RNF10: variants seen among roughly 807,000 people sequenced by gnomAD.
The protein encoded by RNF10 is E3 ubiquitin-protein ligase RNF10.
In RNF10, 38 loss-of-function variants were observed where a neutral mutation model predicts 91.4. That is an observed-to-expected ratio of 0.42 (90% confidence interval 0.32 to 0.54). The LOEUF is 0.54. Ranked by LOEUF, RNF10 falls within the 20% of genes least tolerant of loss-of-function variation. The pLI, the probability that RNF10 is intolerant of heterozygous loss-of-function variation, is 0.16. For missense variants in RNF10, 945 were observed against 1,012.0 expected, an observed-to-expected ratio of 0.93 and a Z score of 0.90; for synonymous variants, 364 against 366.3, an observed-to-expected ratio of 0.99 and a Z score of 0.07.
intron 3 of RNF10, among the ~76,000 whole-genome samples, chr12:120,553,175 C>A (rs562972801): frequency 9.0e-5 from 13 of 143,858 alleles, no homozygotes; most frequent in African/African-American, 3.3e-4. Flanking sequence ...CCTCTGCCTC[C>A]CGGGTTTAAG....
chr12:120,571,821 G>C (rs1352172932), intron 14 of RNF10, among the ~76,000 whole-genome samples: 1 of 152,134 alleles, frequency 6.6e-6, no homozygotes, highest in Non-Finnish European at 1.5e-5. Context: ...CTTTGAGAGG[G>C]GAAGATTGTC....
In RNF10 at chr12:120,558,579, T is replaced by TA. The variant is rs1325836473; in HGVS notation, c.967+897_967+898insA. Among the ~76,000 whole-genome samples the TA allele has an allele frequency of 2.1e-3, 271 of 126,600 alleles. 2 individuals are homozygous for TA. The highest frequency in any genetic ancestry group is 4.2e-3 in the Admixed American group (53 of 12,750). The allele number at this position is 126,600 out of a possible 152,430, so 83.1% of individuals were successfully genotyped here. A position where few individuals can be genotyped will look rare whatever the true frequency, so the allele number is the denominator to read the frequency against. ...TATAATATAATATGTATATATATAT[T>TA]TTTTTTTGAGACAGAGTCTGGCTCT... On this transcript the variant is annotated intron_variant, in intron 6 of 16. Coordinates refer to ENST00000325954, the MANE Select transcript of RNF10 (RefSeq NM_014868.5).
In RNF10 at chr12:120,577,235, A is replaced by ATC. The variant is rs1387757091; in HGVS notation, c.*569_*570insTC. The stretch of plus-strand genomic sequence containing the variant: ...GGCTGTGGTGCCAGCTTAATGGAGT[A>ATC]GGCTGTCCTTGGCACTTGCATGTGT... On this transcript the variant is annotated 3_prime_UTR_variant, in exon 17 of 17. Transcript: ENST00000325954. The ATC allele has an allele frequency of 2.2e-6, 1 of 446,504 alleles. No homozygotes were observed. The highest frequency in any genetic ancestry group is 2.5e-5 in the Admixed American group (1 of 40,072). The allele number at this position is 446,504 out of a possible 1,614,324, so 27.7% of individuals were successfully genotyped here.
chr12:120,557,774 G>T (rs1874257342), intron 6 of RNF10, 92 bp downstream of exon 6: 2 of 1,407,224 alleles, frequency 1.4e-6, no homozygotes, highest in Non-Finnish European at 2.0e-6. Flanking sequence ...AAGCCTTTGG[G>T]CAGGGCACAT....
At position 120,547,762 on chromosome 12, in the gene RNF10, T is replaced by C. The variant is rs113281996; in HGVS notation, c.354+1161T>C. On this transcript the variant is annotated intron_variant, in intron 2 of 16. Coordinates refer to ENST00000325954, the MANE Select transcript of RNF10 (RefSeq NM_014868.5). ...AGACTAGGAAAGGGATCAGATCATG[T>C]GGGGCTTTGAAGGACTTTGGCTTTT... is the stretch of plus-strand genomic sequence containing the variant. Among the ~76,000 whole-genome samples the C allele has an allele frequency of 8.0e-3, 1,223 of 152,294 alleles. 19 individuals carry two copies. The highest frequency in any genetic ancestry group is 0.022 in the South Asian group (105 of 4,828).
intron 1 of RNF10, among the ~76,000 whole-genome samples, chr12:120,538,812 G>T (rs965093542): frequency 6.6e-6 from 1 of 152,162 alleles, no homozygotes; most frequent in African/African-American, 2.4e-5. Flanking sequence ...GTGGTATGAA[G>T]CACTGCCCTG....
intron 1 of RNF10, among the ~76,000 whole-genome samples, chr12:120,537,378 G>C (rs1445418213): frequency 1.3e-5 from 2 of 152,166 alleles, no homozygotes; most frequent in African/African-American, 2.4e-5. Flanking sequence ...TGTAATCCCA[G>C]CACTTTGGGA....
intron 11 of RNF10, 81 bp from the exon 12 acceptor site, chr12:120,565,347 T>G (rs985502405): frequency 7.4e-7 from 1 of 1,348,088 alleles, no homozygotes; most frequent in African/African-American, 1.4e-5. Context: ...CCTACTGTTG[T>G]GGGTTTAGCT....
Position 120,565,523 on chromosome 12 carries a change from G to A in RNF10, c.1879G>A (p.Gly627Ser). 1.2e-6 allele frequency: 2 copies of A among 1,613,728 alleles called. No individual in the cohort carries two copies. The highest frequency in any genetic ancestry group is 1.7e-6 in the Non-Finnish European group (2 of 1,179,862). ...TGAGATAGAGGAGAACAAGAAACAG[G>A]GCAAGTGTAAGTTCAGGAACTTTCA... ...RIEIEENKKQ[G>S]KYPEVHIPLE... The change falls in exon 12 of 17, where the codon GGC (glycine) becomes AGC (serine). Residue 627 changes from glycine (G) to serine (S), a missense_variant. Transcript: ENST00000325954.
rs145779566 is a variant in RNF10, at chr12:120,552,654, G to A, written c.510G>A (p.Lys170=). 16 of 1,614,130 alleles carry A rather than the reference G, an allele frequency of 9.9e-6. No homozygotes were observed. Among genetic ancestry groups the A allele is most frequent in the Non-Finnish European group, 1.0e-5 (12 of 1,180,018 alleles). ...SGHGSWGKRN[K]WGHKPFNKEL... ...ATGGTAGCTGGGGAAAGAGGAACAAGTGGGGACATAAGCCTTTTAACAAGG... is the reference window on the plus strand; with the variant it reads ...ATGGTAGCTGGGGAAAGAGGAACAAATGGGGACATAAGCCTTTTAACAAGG... The change falls in exon 3 of 17, where the codon AAG becomes AAA. Residue 170 remains lysine (K), a synonymous_variant. Transcript: ENST00000325954.
chr12:120,575,726 C>T, intron 15 of RNF10, 38 bp downstream of exon 15: 1 of 1,614,056 alleles, frequency 6.2e-7, no homozygotes, highest in Non-Finnish European at 8.5e-7. Context: ...AGTTTGGCTT[C>T]TTTCCATAAA....
chr12:120,575,346 A>C, intron 14 of RNF10: 1 of 345,300 alleles, frequency 2.9e-6, no homozygotes, highest in Non-Finnish European at 5.3e-6. Flanking sequence ...TCCCAATTTG[A>C]GGGTCTCAGT....
intron 1 of RNF10, among the ~76,000 whole-genome samples, chr12:120,537,480 T>A (rs1404302947): frequency 6.7e-6 from 1 of 149,716 alleles, no homozygotes; most frequent in South Asian, 2.1e-4. Flanking sequence ...TACAAAAAAT[T>A]AGTCCGGCGT....
chr12:120,567,795 GAATA>G (rs1324968683), intron 13 of RNF10, among the ~76,000 whole-genome samples: 3 of 150,742 alleles, frequency 2.0e-5, no homozygotes, highest in African/African-American at 4.9e-5. Flanking sequence ...TGTAGAACAA[GAATA>G]AATGTTCGTG....
intron 1 of RNF10, chr12:120,535,678 C>T (rs895685513): frequency 2.6e-5 from 4 of 152,112 alleles, no homozygotes; most frequent in African/African-American, 7.3e-5. Flanking sequence ...GCCAAATACA[C>T]ATAATGTCTA....
intron 13 of RNF10, 80 bp downstream of exon 13, chr12:120,567,060 C>A: frequency 7.1e-7 from 1 of 1,401,970 alleles, no homozygotes; most frequent in Non-Finnish European, 9.8e-7. Flanking sequence ...ACAACCCCGG[C>A]CCACTCAGCA....
chr12:120,559,917 G>A (rs565716544), intron 6 of RNF10, among the ~76,000 whole-genome samples: 14 of 150,538 alleles, frequency 9.3e-5, no homozygotes, highest in African/African-American at 2.2e-4. Context: ...GGCTGGTTTC[G>A]AACTCCTAAC....
intron 7 of RNF10, among the ~76,000 whole-genome samples, chr12:120,561,786 T>C (rs949917638): frequency 1.3e-5 from 2 of 152,192 alleles, no homozygotes; most frequent in African/African-American, 4.8e-5. Context: ...TTTCTTTCTA[T>C]AATACGTTGC....
rs553007638 is a variant in RNF10, at chr12:120,542,456, G to C, written c.158-3949G>C. ...GGCATGAGCCACCAAGTCCAGCGCTGAAACTTTGCTTTCTAATTGTTACTA... is the reference window on the plus strand; with the variant it reads ...GGCATGAGCCACCAAGTCCAGCGCTCAAACTTTGCTTTCTAATTGTTACTA... On this transcript the variant is annotated intron_variant, in intron 1 of 16. Transcript: ENST00000325954. Among the ~76,000 whole-genome samples the C allele has an allele frequency of 2.0e-5, 3 of 152,284 alleles. No individual in the cohort carries two copies. The South Asian group carries it at 6.2e-4, about 32-fold the overall frequency.
Sources: allele counts gnomAD v4.1 joint callset (sites outside exome capture counted in the v4.1 genomes callset), GRCh38; gene constraint gnomAD v4.1.1; transcripts MANE v1.5; gene names NCBI Gene and HGNC (gene_info 2026-07-23, HGNC 2026-07-21).